PSG7: variants seen among roughly 807,000 people sequenced by gnomAD.
PSG7 encodes pregnancy-specific beta-1-glycoprotein 7.
In PSG7, 57 loss-of-function variants were observed where a neutral mutation model predicts 45.6. The ratio of observed to expected loss-of-function variants is 1.25; its 90% CI spans 1.01 to 1.56. PSG7 has a LOEUF of 1.56. Among genes scored for constraint, PSG7 ranks in the 40% most tolerant of loss-of-function variants. PSG7 has a pLI of 0.00. For missense variants in PSG7, 796 were observed against 508.4 expected (o/e 1.57, Z -5.44); for synonymous variants, 298 against 194.4 (o/e 1.53, Z -4.43).
rs1024146104 is a variant in PSG7 at position 42,934,184 on chromosome 19, G to T, written c.430+1220C>A. On this transcript the variant is annotated intron_variant, in intron 2 of 5. Coordinates refer to ENST00000406070, the MANE Select transcript of PSG7 (RefSeq NM_002783.3). ...CACAGGATTTCAGGTTCAATGATGG[G>T]TGTTAAGATCTGAGGGGGAGACCTG... is the stretch of plus-strand genomic sequence containing the variant. Among the ~76,000 whole-genome samples the T allele has an allele frequency of 1.2e-4, 18 of 151,578 alleles. 2 individuals carry two copies. Among genetic ancestry groups the T allele is most frequent in the African/African-American group, 3.6e-4 (15 of 41,268 alleles).
At chr19:42,935,818 T>G (rs112579708) in intron 1 of PSG7, 49 bp from the exon 2 acceptor site, 232,626 of 1,559,460 alleles carry the variant, frequency 0.15, 22,500 homozygotes, top group Admixed American at 0.21. Flanking sequence ...ATGTGTTGGG[T>G]TGAAAAGATG....
Position 42,936,979 on chromosome 19 carries a change from T to C in PSG7, c.64+34A>G, listed in dbSNP as rs545637849. Reference sequence around the variant, plus strand: ...ACCCCATCCAGTCACTCTGCTTCCTTTTCCTGTCCTCTCCCAGGAAGTTCT... The same window carrying C: ...ACCCCATCCAGTCACTCTGCTTCCTCTTCCTGTCCTCTCCCAGGAAGTTCT... On this transcript the variant is annotated intron_variant, in intron 1 of 5. Transcript: ENST00000406070. The C allele has an allele frequency of 1.1e-3, 1,714 of 1,607,632 alleles. 47 individuals carry two copies. Among genetic ancestry groups the C allele is most frequent in the East Asian group, 4.1e-3 (183 of 44,674 alleles).
At chr19:42,935,814 TG>T in intron 1 of PSG7, 45 bp from the exon 2 acceptor site, 1 of 1,567,096 alleles carries the variant, frequency 6.4e-7, no homozygotes, top group South Asian at 1.2e-5. Context: ...ACCTATGTGT[TG>T]GGTTGAAAAG....
At chr19:42,936,723 C>G (rs1341855831) in intron 1 of PSG7, among the ~76,000 whole-genome samples, 1 of 151,240 alleles carries the variant, frequency 6.6e-6, no homozygotes, top group Admixed American at 6.6e-5. Flanking sequence ...TCTCGGCTAG[C>G]TGCAACTTCT....
intron 5 of PSG7, 174 bp downstream of exon 5, chr19:42,925,599 T>G: frequency 7.0e-7 from 1 of 1,437,514 alleles, no homozygotes; most frequent in Non-Finnish European, 9.4e-7. Flanking sequence ...TCAGCCTGTT[T>G]GTTAAAGTTT....
In PSG7 at chr19:42,935,625, C is replaced by T. The variant is rs1973132694; in HGVS notation, c.209G>A (p.Gly70Glu). 4 of 1,612,076 alleles carry T rather than the reference C, an allele frequency of 2.5e-6. No homozygotes were observed. The highest frequency in any genetic ancestry group is 1.7e-4 in the Middle Eastern group (1 of 6,058). ...ATAATGGTAGAGGTCCCTGATTTGT[C>T]CTTTGTACCAGATGTAGCCAGTAAG... The part of the protein sequence containing the change: ...QNLTGYIWYK[G>E]QIRDLYHYVT... Residue 70 changes from glycine (G) to glutamate (E), a missense_variant, in exon 2 of 6, where the codon GGA becomes GAA. By Grantham distance (98) the Gly-to-Glu change is moderately conservative (BLOSUM62 -2). Transcript: ENST00000406070.
intron 5 of PSG7, 182 bp downstream of exon 5, chr19:42,925,591 A>T: frequency 7.1e-7 from 1 of 1,403,256 alleles, no homozygotes; most frequent in East Asian, 2.3e-5. Flanking sequence ...TGAAGATATC[A>T]GCCTGTTTGT....
chr19:42,925,922 G>A lies in PSG7; in HGVS notation c.1094C>T (p.Ser365Phe), dbSNP rs2122671114. 6.2e-7 allele frequency: 1 copy of A among 1,612,256 alleles called. No individual in the cohort carries two copies. The highest frequency in any genetic ancestry group is 2.2e-5 in the East Asian group (1 of 44,794). ...FADSNPPAQY[S>F]WTINGKFQLS... is the part of the protein sequence containing the mutation. ...CTGAAACTTCCCATTAATTGTCCAA[G>A]AATACTGTGCCGGTGGGTTAGAGTC... Residue 365 changes from serine (S) to phenylalanine (F), a missense_variant, in exon 5 of 6, where the codon TCT (serine) becomes TTT (phenylalanine). Coordinates refer to ENST00000406070, the MANE Select transcript of PSG7 (RefSeq NM_002783.3).
rs1421881968 is a variant in PSG7, at chr19:42,935,406, T to C, written c.428A>G (p.Tyr143Cys). The change falls in exon 2 of 6, where the codon TAC (tyrosine) becomes TGC (cysteine). Residue 143 changes from tyrosine to cysteine, a missense_variant and splice_region_variant. By Grantham distance (194) the Tyr-to-Cys change is radical (BLOSUM62 -2). Coordinates refer to ENST00000406070, the MANE Select transcript of PSG7 (RefSeq NM_002783.3). ...GVTGRFTFTL[Y>C]LETPKPSISS... ...AGGGACCATGTGGAATCACTCACGG[T>C]ATAAGGTGAAGGTGAAACGTCCAGT... 1 of 1,611,446 alleles carries C rather than the reference T, an allele frequency of 6.2e-7. No individual in the cohort carries two copies. Among genetic ancestry groups the C allele is most frequent in the Non-Finnish European group, 8.5e-7 (1 of 1,178,708 alleles).
intron 5 of PSG7, 91 bp from the exon 6 acceptor site, chr19:42,924,915 T>C: frequency 1.3e-6 from 1 of 756,166 alleles, no homozygotes; most frequent in Non-Finnish European, 2.4e-6. Context: ...ATAATTTTTC[T>C]CTCTATGGGC....
rs1232812860 is a variant in PSG7, at chr19:42,927,925, T to C, written c.710-1209A>G. On this transcript the variant is annotated intron_variant, in intron 3 of 5. Coordinates refer to ENST00000406070, the MANE Select transcript of PSG7 (RefSeq NM_002783.3). ...AAAAAGTGTTTTGCATTTCTTTCAT[T>C]TTTTGATTCTGAAATATTTGTCATA... Among the ~76,000 whole-genome samples, 4 of 151,684 alleles carry C rather than the reference T, an allele frequency of 2.6e-5. No individual in the cohort carries two copies. In the South Asian group the frequency reaches 6.3e-4, roughly 24 times the overall value.
In PSG7 at chr19:42,935,414, G is replaced by A. The variant is rs1248505694; in HGVS notation, c.420C>T (p.Phe140=). The change falls in exon 2 of 6, where the codon TTC becomes TTT. Residue 140 remains phenylalanine, a synonymous_variant. Coordinates refer to ENST00000406070, the MANE Select transcript of PSG7 (RefSeq NM_002783.3). The part of the protein sequence containing the change: ...GTGGVTGRFT[F]TLYLETPKPS... ...TGTGGAATCACTCACGGTATAAGGTGAAGGTGAAACGTCCAGTTACTCCTC... is the reference window on the plus strand; with the variant it reads ...TGTGGAATCACTCACGGTATAAGGTAAAGGTGAAACGTCCAGTTACTCCTC... The A allele has an allele frequency of 9.9e-6, 16 of 1,611,694 alleles. 1 individual carries two copies. Among genetic ancestry groups the A allele is most frequent in the Non-Finnish European group, 1.4e-5 (16 of 1,178,792 alleles).
intron 3 of PSG7, chr19:42,927,002 C>T (rs981214610): frequency 3.1e-5 from 16 of 518,950 alleles, no homozygotes; most frequent in African/African-American, 2.3e-4. Flanking sequence ...CCTGGTACCC[C>T]TCCCAGTCCC....
chr19:42,926,928 T>G, intron 3 of PSG7: 2 of 984,882 alleles, frequency 2.0e-6, no homozygotes, highest in Non-Finnish European at 2.9e-6. Context: ...GCATAGACTT[T>G]CTCAAGTGTC....
At position 42,936,063 on chromosome 19, in the gene PSG7, C is replaced by T. The variant is rs570893801; in HGVS notation, c.65-294G>A. On this transcript the variant is annotated intron_variant, in intron 1 of 5. Coordinates refer to ENST00000406070, the MANE Select transcript of PSG7 (RefSeq NM_002783.3). ...TTTGGAATCCTCTTCCCCAGGGGTC[C>T]GCACGGCCCCCTCCACACTGCCCTC... 94 of 445,810 alleles carry T rather than the reference C, an allele frequency of 2.1e-4. 1 individual carries two copies. The highest frequency in any genetic ancestry group is 1.3e-3 in the African/African-American group (68 of 50,904). 27.6% of individuals were successfully genotyped at this position (445,810 alleles called of 1,614,324 possible).
rs782235805 is a variant in PSG7, at chr19:42,935,508, A to T, written c.326T>A (p.Ile109Asn). 3 of 1,612,074 alleles carry T rather than the reference A, an allele frequency of 1.9e-6. No homozygotes were observed. Among genetic ancestry groups the T allele is most frequent in the African/African-American group, 1.3e-5 (1 of 74,622 alleles). The stretch of plus-strand genomic sequence containing the variant: ...TGTGTCTTCCTGGGTGACATTCTGG[A>T]TCAGCAGGGATGCATTGGAATATAC... ...ETVYSNASLL[I>N]QNVTQEDTGS... Residue 109 changes from isoleucine (I) to asparagine (N), a missense_variant, in exon 2 of 6, where the codon ATC becomes AAC. Ile to Asn is a moderately radical substitution (Grantham distance 149, BLOSUM62 -3). Coordinates refer to ENST00000406070, the MANE Select transcript of PSG7 (RefSeq NM_002783.3).
At chr19:42,935,294 A>G in intron 2 of PSG7, 110 bp downstream of exon 2, 16 of 1,508,378 alleles carry the variant, frequency 1.1e-5, no homozygotes, top group Non-Finnish European at 1.5e-5. Context: ...CCAGCATGGG[A>G]CATAATGCAG....
intron 2 of PSG7, 57 bp from the exon 3 acceptor site, chr19:42,929,777 G>A (rs1377102081): frequency 4.5e-6 from 7 of 1,567,118 alleles, no homozygotes; most frequent in Non-Finnish European, 5.2e-6. Flanking sequence ...TCCTCCAAAG[G>A]CATTTTTCAA....
At chr19:42,928,980 T>C (rs1362000259) in intron 3 of PSG7, among the ~76,000 whole-genome samples, 1 of 151,458 alleles carries the variant, frequency 6.6e-6, no homozygotes, top group Non-Finnish European at 1.5e-5. Flanking sequence ...CAGGGGAGCT[T>C]GGGGACTTCT....
Sources: gnomAD v4.1 joint callset for allele counts (sites outside exome capture counted in the v4.1 genomes callset) on GRCh38, gnomAD v4.1.1 for gene constraint, MANE v1.5 for transcripts, NCBI Gene and HGNC (gene_info 2026-07-23, HGNC 2026-07-21) for gene names.